The following EXOC3L4 variants were observed in gnomAD, a reference collection of about 807,000 sequenced individuals.
EXOC3L4 encodes the protein exocyst complex component 3-like protein 4.
In EXOC3L4, 62 loss-of-function variants were observed where a neutral mutation model predicts 69.7. The ratio of observed to expected loss-of-function variants is 0.89; its 90% CI spans 0.72 to 1.10. The LOEUF (loss-of-function observed/expected upper bound fraction) is 1.10, where lower values mean the gene tolerates loss of function less well. Among genes scored for constraint, EXOC3L4 ranks in the 50% least tolerant of loss-of-function variants. The pLI, the probability that EXOC3L4 is intolerant of heterozygous loss-of-function variation, is 0.00. For missense variants in EXOC3L4, 1,087 were observed against 1,034.8 expected, an observed-to-expected ratio of 1.05 and a Z score of -0.69; for synonymous variants, 502 against 464.2, an observed-to-expected ratio of 1.08 and a Z score of -1.05.
rs1468231319 is a variant in EXOC3L4 at position 103,097,419 on chromosome 14, A to C, written c.-17+2579A>C. Among the ~76,000 whole-genome samples the C allele has an allele frequency of 6.6e-6, 1 of 152,120 alleles. No individual in the cohort carries two copies. Among genetic ancestry groups the C allele is most frequent in the African/African-American group, 2.4e-5 (1 of 41,432 alleles). On this transcript the variant is annotated intron_variant, in intron 1 of 11. Transcript: ENST00000688303. The surrounding 1 kb of genome is among the most constrained non-coding windows in gnomAD (Gnocchi z 4.9). ...GAGAAAAGAGAGCCAGAGAGAGTCC[A>C]TGGGGGTGTGGGGAGGCAGGCACAG... is the stretch of plus-strand genomic sequence containing the variant.
At chr14:103,101,849 G>C (rs1005166841) in intron 2 of EXOC3L4, among the ~76,000 whole-genome samples, 5 of 152,250 alleles carry the variant, frequency 3.3e-5, no homozygotes, top group Admixed American at 3.3e-4. Context: ...GGTGGGTGTG[G>C]GATCCAGGCG....
intron 2 of EXOC3L4, 95 bp from the exon 3 acceptor site, chr14:103,102,023 C>T (rs1391587834): frequency 1.5e-6 from 2 of 1,327,050 alleles, no homozygotes; most frequent in Non-Finnish European, 2.1e-6. Flanking sequence ...ACAGACAATC[C>T]AGCCCCGATG....
chr14:103,104,623 G>A, intron 5 of EXOC3L4, 115 bp from the exon 6 acceptor site: 2 of 1,256,448 alleles, frequency 1.6e-6, no homozygotes, highest in Non-Finnish European at 2.1e-6. Flanking sequence ...AGCTGGAGGG[G>A]CCAAGACTGA....
chr14:103,104,416 A>G, intron 5 of EXOC3L4, 27 bp downstream of exon 5: 1 of 1,531,490 alleles, frequency 6.5e-7, no homozygotes, highest in Non-Finnish European at 8.8e-7. Context: ...GGGGCTGAGA[A>G]GGGGCGTCTG....
chr14:103,098,169 C>A (rs536206477), intron 1 of EXOC3L4, among the ~76,000 whole-genome samples: 3 of 152,078 alleles, frequency 2.0e-5, no homozygotes, highest in Non-Finnish European at 4.4e-5. Flanking sequence ...CAAGCCTCTG[C>A]CTATGTAACC....
In EXOC3L4 at chr14:103,104,459, G is replaced by T. The variant is rs373689617; in HGVS notation, c.1284+70G>T. ...CTCACGCACACGGTGGCGATTTCCA[G>T]AACGAATTCCTATCCAGTCCCAACC... On this transcript the variant is annotated intron_variant, in intron 5 of 11. Coordinates refer to ENST00000688303, the MANE Select transcript of EXOC3L4 (RefSeq NM_001077594.2). 1.6e-5 allele frequency: 23 copies of T among 1,436,048 alleles called. No individual in the cohort carries two copies. In the African/African-American group the frequency reaches 2.2e-4, roughly 14 times the overall value. 89.0% of individuals were successfully genotyped at this position (1,436,048 alleles called of 1,614,324 possible). A position where few individuals can be genotyped will look rare whatever the true frequency, so the allele number is the denominator to read the frequency against.
chr14:103,102,028 C>G (rs1188664633), intron 2 of EXOC3L4, 90 bp from the exon 3 acceptor site: 10 of 1,350,598 alleles, frequency 7.4e-6, no homozygotes, highest in Non-Finnish European at 1.0e-5. Flanking sequence ...CAATCCAGCC[C>G]CGATGGATTG....
Position 103,107,785 on chromosome 14 carries a change from T to C in EXOC3L4, c.1854+2T>C. 3 of 1,513,976 alleles carry C rather than the reference T, an allele frequency of 2.0e-6. No individual in the cohort carries two copies. The highest frequency in any genetic ancestry group is 1.3e-5 in the South Asian group (1 of 79,788). The allele number at this position is 1,513,976 out of a possible 1,614,324, so 93.8% of individuals were successfully genotyped here. On this transcript the variant is annotated splice_donor_variant, in intron 10 of 11. Coordinates refer to ENST00000688303, the MANE Select transcript of EXOC3L4 (RefSeq NM_001077594.2). LOFTEE classifies it high-confidence loss of function. ...ATCAGCGACACCTTCCAGGGCCTGG[T>C]AGGGGCGGCATGACTGCCCTTCGGT...
In EXOC3L4 at chr14:103,103,925, C is replaced by T. The variant is rs1306731706; in HGVS notation, c.1050-16C>T. 1 of 1,529,716 alleles carries T rather than the reference C, an allele frequency of 6.5e-7. No individual in the cohort carries two copies. Among genetic ancestry groups the T allele is most frequent in the Non-Finnish European group, 8.8e-7 (1 of 1,140,880 alleles). The allele number at this position is 1,529,716 out of a possible 1,614,324, so 94.8% of individuals were successfully genotyped here. A position where few individuals can be genotyped will look rare whatever the true frequency, so the allele number is the denominator to read the frequency against. Reference sequence around the variant, plus strand: ...CAGAGCCGCTCCCGCCCCCAGCCCCCTGCCCTGTCTTCCAGTCCTGACTTC... The same window carrying T: ...CAGAGCCGCTCCCGCCCCCAGCCCCTTGCCCTGTCTTCCAGTCCTGACTTC... On this transcript the variant is annotated splice_polypyrimidine_tract_variant and intron_variant, in intron 3 of 11. Transcript: ENST00000688303.
At chr14:103,104,556 C>A in intron 5 of EXOC3L4, 167 bp downstream of exon 5, 3 of 1,294,960 alleles carry the variant, frequency 2.3e-6, no homozygotes, top group Non-Finnish European at 3.0e-6. Context: ...CGCCGACGGG[C>A]AGGGAGGCTG....
chr14:103,108,622 A>C (rs931197607), intron 11 of EXOC3L4, 105 bp downstream of exon 11: 41 of 1,475,750 alleles, frequency 2.8e-5, no homozygotes, highest in Non-Finnish European at 3.8e-5. Context: ...AGGGGCCTGA[A>C]GACCAGAGGC....
intron 4 of EXOC3L4, 55 bp downstream of exon 4, chr14:103,104,107 G>A: frequency 6.8e-7 from 1 of 1,463,982 alleles, no homozygotes; most frequent in South Asian, 1.4e-5. Context: ...CGGGCCCTGG[G>A]GGGATGTGCG....
intron 3 of EXOC3L4, among the ~76,000 whole-genome samples, chr14:103,103,380 G>GA (rs1421994260): frequency 6.9e-6 from 1 of 145,412 alleles, no homozygotes; most frequent in Admixed American, 6.9e-5. Flanking sequence ...AAGAAAGAAA[G>GA]AAAGAAAAGA....
intron 3 of EXOC3L4, among the ~76,000 whole-genome samples, chr14:103,103,162 G>T (rs1890306656): frequency 6.6e-6 from 1 of 152,058 alleles, no homozygotes; most frequent in South Asian, 2.1e-4. Flanking sequence ...TCAGGAGTTC[G>T]AAATCAGCCT....
rs762682223 is a variant in EXOC3L4 at position 103,104,055 on chromosome 14, C to A, written c.1161+3C>A. On this transcript the variant is annotated splice_donor_region_variant and intron_variant, in intron 4 of 11. Coordinates refer to ENST00000688303, the MANE Select transcript of EXOC3L4 (RefSeq NM_001077594.2). ...GCGACTACACCAGCTTCCTGGAGGT[C>A]AGGCCGGGCGGGTCAGGCTGGGCGG... The A allele has an allele frequency of 3.0e-5, 47 of 1,558,628 alleles. No individual in the cohort carries two copies. The African/African-American group carries it at 6.1e-4, about 20-fold the overall frequency.
chr14:103,103,813 T>TGTGG, intron 3 of EXOC3L4, 128 bp from the exon 4 acceptor site: 1 of 610,708 alleles, frequency 1.6e-6, no homozygotes, highest in African/African-American at 1.9e-5. Flanking sequence ...TGTGTGTGTG[T>TGTGG]GTGTGTGTGT....
chr14:103,102,468 G>A lies in EXOC3L4; in HGVS notation c.745G>A (p.Val249Met), dbSNP rs2139482266. The change falls in exon 3 of 12, where the codon GTG becomes ATG. Residue 249 changes from valine (V) to methionine (M), a missense_variant. Coordinates refer to ENST00000688303, the MANE Select transcript of EXOC3L4 (RefSeq NM_001077594.2). Reference sequence around the variant, plus strand: ...CTGGCGCCAGCACTGGGAGGAGGCGGTGCGGCGAAGCGCTCAGGAGCGCGT... The same window carrying A: ...CTGGCGCCAGCACTGGGAGGAGGCGATGCGGCGAAGCGCTCAGGAGCGCGT... ...RRWRQHWEEA[V>M]RRSAQERVRR... 6.9e-7 allele frequency: 1 copy of A among 1,449,288 alleles called. No individual in the cohort carries two copies. 89.8% of individuals were successfully genotyped at this position (1,449,288 alleles called of 1,614,324 possible).
At chr14:103,105,095 CG>C in intron 7 of EXOC3L4, 23 bp downstream of exon 7, 1 of 1,580,260 alleles carries the variant, frequency 6.3e-7, no homozygotes, top group Non-Finnish European at 8.6e-7. Flanking sequence ...CGCTCCTGTG[CG>C]GGCGCAGCGT....
Position 103,102,755 on chromosome 14 carries a change from C to G in EXOC3L4, c.1032C>G (p.Ala344=). 1.5e-6 allele frequency: 2 copies of G among 1,367,004 alleles called. No individual in the cohort carries two copies. Among genetic ancestry groups the G allele is most frequent in the Non-Finnish European group, 1.9e-6 (2 of 1,061,722 alleles). 84.7% of individuals were successfully genotyped at this position (1,367,004 alleles called of 1,614,324 possible). Residue 344 remains alanine (A), a synonymous_variant, in exon 3 of 12, where the codon GCC becomes GCG. Coordinates refer to ENST00000688303, the MANE Select transcript of EXOC3L4 (RefSeq NM_001077594.2). ...AGCTCTATATCCTGCTGGACTGGGCCGCCAACGTCTACGGCAGGTGAGTCT... is the reference window on the plus strand; with the variant it reads ...AGCTCTATATCCTGCTGGACTGGGCGGCCAACGTCTACGGCAGGTGAGTCT... The part of the protein sequence containing the change: ...CEQLYILLDW[A]ANVYGSPDFL...
Sources: allele counts gnomAD v4.1 joint callset (sites outside exome capture counted in the v4.1 genomes callset), GRCh38; gene constraint gnomAD v4.1.1; non-coding constraint Gnocchi (gnomAD v3.1); transcripts MANE v1.5; gene names NCBI Gene and HGNC (gene_info 2026-07-23, HGNC 2026-07-21).